ERICH3: variants seen among roughly 807,000 people sequenced by gnomAD.
ERICH3 encodes glutamate-rich protein 3.
A neutral mutation model predicts 131.1 loss-of-function variants in ERICH3; 126 were observed. The ratio of observed to expected loss-of-function variants is 0.96; its 90% confidence interval spans 0.83 to 1.11. The LOEUF (loss-of-function observed/expected upper bound fraction) is 1.11, where lower values mean the gene tolerates loss of function less well. ERICH3 is among the 50% of genes most tolerant of loss of function. The probability of loss-of-function intolerance (pLI) is 0.00; values close to 1 mark genes in which losing one functional copy is unlikely to be tolerated. For synonymous variants in ERICH3, 695 were observed against 644.6 expected (o/e 1.08, Z -1.18); for missense variants, 2,050 against 1,810.7 (o/e 1.13, Z -2.40).
At chr1:74,635,016 T>A (rs747965739) in intron 6 of ERICH3, among the ~76,000 whole-genome samples, 2 of 152,264 alleles carry the variant, frequency 1.3e-5, no homozygotes, top group Non-Finnish European at 2.9e-5. Context: ...TGACATCTCT[T>A]GGTGAATAAA....
intron 8 of ERICH3, among the ~76,000 whole-genome samples, chr1:74,615,695 C>T (rs1011670269): frequency 2.6e-5 from 4 of 152,090 alleles, no homozygotes; most frequent in Admixed American, 2.6e-4. Context: ...AACTGAGAAG[C>T]ATATATTCAT....
At chr1:74,626,728 A>G (rs182325944) in intron 7 of ERICH3, among the ~76,000 whole-genome samples, 1 of 152,170 alleles carries the variant, frequency 6.6e-6, no homozygotes, top group Non-Finnish European at 1.5e-5. Context: ...AACTAGCCTC[A>G]TGGATTCTGT....
intron 1 of ERICH3, among the ~76,000 whole-genome samples, chr1:74,665,690 T>G (rs1296803436): frequency 1.3e-5 from 2 of 152,182 alleles, no homozygotes; most frequent in Non-Finnish European, 2.9e-5. Context: ...TTTGTGAGCA[T>G]GTCTTTGTCC....
chr1:74,624,160 T>G (rs1482759864), intron 7 of ERICH3: 2 of 152,338 alleles, frequency 1.3e-5, no homozygotes, highest in East Asian at 3.9e-4. Flanking sequence ...GTAGGTTGGT[T>G]CTACCCTATA....
chr1:74,647,045 T>C (rs1032471160), intron 2 of ERICH3, among the ~76,000 whole-genome samples: 12 of 151,662 alleles, frequency 7.9e-5, no homozygotes, highest in Non-Finnish European at 1.6e-4. Context: ...AATATATCAC[T>C]ATGGTTGATC....
rs189806920 is a variant in ERICH3 at position 74,643,098 on chromosome 1, G to T, written c.244C>A (p.Arg82Ser). 2 of 1,608,216 alleles carry T rather than the reference G, an allele frequency of 1.2e-6. No individual in the cohort carries two copies. The highest frequency in any genetic ancestry group is 2.2e-5 in the East Asian group (1 of 44,670). The part of the protein sequence containing the change: ...AIFHKVLDME[R>S]YHQLEIKKKL... Reference sequence around the variant, plus strand: ...TTTTTTATTTCAAGCTGATGGTAACGCTAAGCATACAGGAAAGAATAAAGG... The same window carrying T: ...TTTTTTATTTCAAGCTGATGGTAACTCTAAGCATACAGGAAAGAATAAAGG... The change falls in exon 4 of 15, where the codon CGT becomes AGT. Residue 82 changes from arginine to serine, a missense_variant and splice_region_variant. By Grantham distance (110) the Arg-to-Ser change is moderately radical (BLOSUM62 -1). Transcript: ENST00000326665.
Position 74,572,620 on chromosome 1 carries a change from T to C in ERICH3, c.3090A>G (p.Glu1030=). 6.2e-7 allele frequency: 1 copy of C among 1,614,056 alleles called. No individual in the cohort carries two copies. Among genetic ancestry groups the C allele is most frequent in the Non-Finnish European group, 8.5e-7 (1 of 1,179,998 alleles). Residue 1030 remains glutamate (E), a synonymous_variant, in exon 14 of 15, where the codon GAA becomes GAG. Transcript: ENST00000326665. ...CTGCCTCAGTCACCATCTCTTCCCCTTCCACATCTTCCTTGCAAAGGAAGG... is the reference window on the plus strand; with the variant it reads ...CTGCCTCAGTCACCATCTCTTCCCCCTCCACATCTTCCTTGCAAAGGAAGG... ...KEAFLCKEDV[E]GEEMVTEAEA...
intron 1 of ERICH3, among the ~76,000 whole-genome samples, chr1:74,662,469 T>C (rs886526106): frequency 6.6e-6 from 1 of 151,936 alleles, no homozygotes; most frequent in Non-Finnish European, 1.5e-5. Context: ...GAAAAAAAAA[T>C]GTTCAAACTC....
At chr1:74,620,662 T>C in intron 8 of ERICH3, 72 bp downstream of exon 8, 1 of 1,283,534 alleles carries the variant, frequency 7.8e-7, no homozygotes, top group African/African-American at 1.5e-5. Context: ...GTCATTTTGA[T>C]ATTATATCAA....
chr1:74,647,797 T>C (rs1179261066), intron 2 of ERICH3, among the ~76,000 whole-genome samples: 2 of 152,126 alleles, frequency 1.3e-5, no homozygotes. Context: ...TCAACCAGAG[T>C]TGTGCTACAA....
At chr1:74,652,504 T>C (rs1221446474) in intron 1 of ERICH3, among the ~76,000 whole-genome samples, 1 of 152,092 alleles carries the variant, frequency 6.6e-6, no homozygotes, top group Non-Finnish European at 1.5e-5. Flanking sequence ...TCCACCCTTT[T>C]CCTCTGCGTT....
At chr1:74,658,490 C>A (rs775327500) in intron 1 of ERICH3, among the ~76,000 whole-genome samples, 25 of 152,070 alleles carry the variant, frequency 1.6e-4, no homozygotes, top group Non-Finnish European at 3.4e-4. Flanking sequence ...TGTCAATGAA[C>A]AATCAACAAA....
chr1:74,659,704 C>T (rs1646622156), intron 1 of ERICH3, among the ~76,000 whole-genome samples: 1 of 152,128 alleles, frequency 6.6e-6, no homozygotes, highest in South Asian at 2.1e-4. Context: ...GCAAAACATC[C>T]TATGTATCAG....
chr1:74,646,285 T>C (rs543785655), intron 3 of ERICH3, among the ~76,000 whole-genome samples: 2 of 152,214 alleles, frequency 1.3e-5, no homozygotes, highest in South Asian at 2.1e-4. Context: ...TGTCACCTTT[T>C]TTAGCAAATG....
intron 1 of ERICH3, among the ~76,000 whole-genome samples, chr1:74,653,420 CGAGA>C (rs139869173): frequency 0.012 from 1,561 of 134,858 alleles, 24 homozygotes; most frequent in African/African-American, 0.04. Flanking sequence ...AGAGAGAGAA[CGAGA>C]GAGAGAGAGA....
intron 13 of ERICH3, among the ~76,000 whole-genome samples, chr1:74,574,245 A>G (rs547124309): frequency 6.6e-6 from 1 of 152,226 alleles, no homozygotes; most frequent in Admixed American, 6.6e-5. Flanking sequence ...TCAAACTCCC[A>G]AAGTGTTGGG....
Position 74,589,936 on chromosome 1 carries a change from C to T in ERICH3, c.1871G>A (p.Ser624Asn). 1 of 1,614,046 alleles carries T rather than the reference C, an allele frequency of 6.2e-7. No homozygotes were observed. The highest frequency in any genetic ancestry group is 8.5e-7 in the Non-Finnish European group (1 of 1,179,950). ...SARRSSSQEL[S>N]ENDKPRKSHL... ...AGACTTTCTTGGCTTATCATTTTCA[C>T]TCAGTTCCTGAGAAGATGACCTTCT... The change falls in exon 12 of 15, where the codon AGT becomes AAT. Residue 624 changes from serine (S) to asparagine (N), a missense_variant. By Grantham distance (46) the Ser-to-Asn change is conservative (BLOSUM62 1). Transcript: ENST00000326665.
At chr1:74,651,191 G>A (rs1415898859) in intron 1 of ERICH3, among the ~76,000 whole-genome samples, 1 of 152,086 alleles carries the variant, frequency 6.6e-6, no homozygotes, top group African/African-American at 2.4e-5. Flanking sequence ...ACATGGAGAT[G>A]ATATAAGTGA....
chr1:74,657,369 A>C (rs1377408112), intron 1 of ERICH3, among the ~76,000 whole-genome samples: 5 of 152,194 alleles, frequency 3.3e-5, no homozygotes, highest in Non-Finnish European at 7.4e-5. Flanking sequence ...AACAACTGAC[A>C]TCAGGGCCAA....
Sources: allele counts gnomAD v4.1 joint callset (sites outside exome capture counted in the v4.1 genomes callset), GRCh38; gene constraint gnomAD v4.1.1; transcripts MANE v1.5; gene names NCBI Gene and HGNC (gene_info 2026-07-23, HGNC 2026-07-21).